The following GPC5 variants were observed in gnomAD, a reference collection of about 807,000 sequenced individuals.
GPC5 encodes glypican-5.
GPC5 carries 47 observed loss-of-function variants against 53.9 expected under a neutral mutation model. The ratio of observed to expected loss-of-function variants is 0.87; its 90% confidence interval spans 0.69 to 1.11. The LOEUF is 1.11. Ranked by LOEUF, GPC5 falls within the 50% of genes most tolerant of loss-of-function variation. GPC5 has a pLI of 0.00. For synonymous variants in GPC5, 286 were observed against 263.3 expected (o/e 1.09, Z -0.84); for missense variants, 748 against 713.1 (o/e 1.05, Z -0.56).
At chr13:92,501,014 G>A (rs1880163542) in intron 7 of GPC5, among the ~76,000 whole-genome samples, 1 of 151,616 alleles carries the variant, frequency 6.6e-6, no homozygotes, top group African/African-American at 2.4e-5. Flanking sequence ...TTTTTCATAA[G>A]ATAATAACAA....
intron 5 of GPC5, among the ~76,000 whole-genome samples, chr13:91,888,603 G>C (rs1363056992): frequency 6.6e-6 from 1 of 152,102 alleles, no homozygotes; most frequent in Non-Finnish European, 1.5e-5. Flanking sequence ...ACAATACCTA[G>C]CATGCACATA....
chr13:91,572,604 C>T (rs2031975538), intron 2 of GPC5, among the ~76,000 whole-genome samples: 1 of 151,958 alleles, frequency 6.6e-6, no homozygotes, highest in African/African-American at 2.4e-5. Context: ...GATGAACTAA[C>T]AGAGCAAGAA....
chr13:91,762,536 G>A (rs1041124699), intron 5 of GPC5, among the ~76,000 whole-genome samples: 5 of 150,512 alleles, frequency 3.3e-5, no homozygotes, highest in African/African-American at 1.2e-4. Context: ...TGTTTCTTGT[G>A]CAAAGGCAGT....
At chr13:92,728,483 A>G (rs1291406157) in intron 7 of GPC5, among the ~76,000 whole-genome samples, 5 of 151,478 alleles carry the variant, frequency 3.3e-5, no homozygotes. Context: ...AGCAAAACAT[A>G]GAGAAATTTA....
intron 7 of GPC5, among the ~76,000 whole-genome samples, chr13:92,399,626 G>C (rs536394937): frequency 3.9e-5 from 6 of 152,236 alleles, no homozygotes; most frequent in African/African-American, 1.4e-4. Flanking sequence ...CCAGGCAAAA[G>C]GAAGGGATCA....
chr13:92,133,871 G>A (rs2041763935), intron 6 of GPC5, among the ~76,000 whole-genome samples: 1 of 152,132 alleles, frequency 6.6e-6, no homozygotes, highest in South Asian at 2.1e-4. Flanking sequence ...TTTTCTGTCC[G>A]TGGAGATAAC....
intron 7 of GPC5, among the ~76,000 whole-genome samples, chr13:92,231,005 C>T (rs909293252): frequency 2.0e-5 from 3 of 152,092 alleles, no homozygotes; most frequent in South Asian, 2.1e-4. Context: ...AAGAGCAAAG[C>T]GCTTTGCAGT....
intron 6 of GPC5, among the ~76,000 whole-genome samples, chr13:92,047,256 C>T (rs1318450955): frequency 6.6e-6 from 1 of 151,904 alleles, no homozygotes; most frequent in Non-Finnish European, 1.5e-5. Flanking sequence ...AAATAGATTG[C>T]AAAAACAACA....
chr13:92,153,063 C>A (rs1417651427), intron 7 of GPC5, among the ~76,000 whole-genome samples: 3 of 152,114 alleles, frequency 2.0e-5, no homozygotes, highest in African/African-American at 7.2e-5. Context: ...CTTGTTACTC[C>A]TTTTGTTAAA....
At chr13:92,513,953 C>A (rs942030184) in intron 7 of GPC5, among the ~76,000 whole-genome samples, 4 of 152,002 alleles carry the variant, frequency 2.6e-5, no homozygotes, top group African/African-American at 9.7e-5. Flanking sequence ...GCATTTTGAA[C>A]TTCAGATCTT....
intron 6 of GPC5, among the ~76,000 whole-genome samples, chr13:92,076,403 G>A (rs146696384): frequency 6.6e-6 from 1 of 151,990 alleles, no homozygotes; most frequent in African/African-American, 2.4e-5. Context: ...TTATTTATCT[G>A]TATTTTCCTA....
In GPC5 at chr13:92,422,427, TAC is replaced by T. The variant is rs1876606635; in HGVS notation, c.1561+277440_1561+277441del. 9.2e-5 allele frequency among the ~76,000 whole-genome samples: 14 copies of T among 151,416 alleles called. No homozygotes were observed. The South Asian group carries it at 2.9e-3, about 32-fold the overall frequency. The stretch of plus-strand genomic sequence containing the variant: ...AGCCCAAAACAAGAGGTCAATTTCC[TAC>T]AGTGACCTGCACCCTCAAATTTTAT... On this transcript the variant is annotated intron_variant, in intron 7 of 7. Transcript: ENST00000377067.
At chr13:92,158,428 A>G (rs2041960967) in intron 7 of GPC5, among the ~76,000 whole-genome samples, 1 of 152,222 alleles carries the variant, frequency 6.6e-6, no homozygotes, top group Admixed American at 6.5e-5. Flanking sequence ...TGTTTAGATA[A>G]CAGTTAGCTC....
chr13:91,633,362 G>A (rs2034207790), intron 2 of GPC5, among the ~76,000 whole-genome samples: 1 of 152,114 alleles, frequency 6.6e-6, no homozygotes. Context: ...GTCTTTGGTA[G>A]TGGGTAAGTA....
At chr13:92,591,429 A>G (rs183660828) in intron 7 of GPC5, among the ~76,000 whole-genome samples, 12 of 152,314 alleles carry the variant, frequency 7.9e-5, no homozygotes, top group Admixed American at 5.9e-4. Flanking sequence ...TTGTGTTTAC[A>G]GTCTCTGCCT....
rs370286567 is a variant in GPC5 at position 92,093,775 on chromosome 13, G to T, written c.1402-51055G>T. Among the ~76,000 whole-genome samples the T allele has an allele frequency of 3.3e-5, 5 of 152,146 alleles. No individual in the cohort carries two copies. The East Asian group carries it at 7.7e-4, about 23-fold the overall frequency. Reference sequence around the variant, plus strand: ...AAGTAGACAAAGATGGGTAGAGCCTGGGCTTTGGCTATGAATGTTAGAAAA... The same window carrying T: ...AAGTAGACAAAGATGGGTAGAGCCTTGGCTTTGGCTATGAATGTTAGAAAA... On this transcript the variant is annotated intron_variant, in intron 6 of 7. Coordinates refer to ENST00000377067, the MANE Select transcript of GPC5 (RefSeq NM_004466.6).
chr13:91,969,037 C>T (rs114212514), intron 6 of GPC5, among the ~76,000 whole-genome samples: 3,596 of 151,730 alleles, frequency 0.024, 143 homozygotes, highest in African/African-American at 0.082. Flanking sequence ...GGTGTGATCT[C>T]GACTAACTGC....
chr13:92,256,149 T>C (rs966073502), intron 7 of GPC5, among the ~76,000 whole-genome samples: 2 of 151,724 alleles, frequency 1.3e-5, no homozygotes, highest in South Asian at 2.1e-4. Context: ...TATAGAGATA[T>C]AATATAGATA....
chr13:91,403,092 C>T (rs548318553), intron 1 of GPC5, among the ~76,000 whole-genome samples: 44 of 152,252 alleles, frequency 2.9e-4, no homozygotes, highest in African/African-American at 1.1e-3. Context: ...TCTGAAATTG[C>T]GACTCTATTT....
Sources: gnomAD v4.1 joint callset for allele counts (sites outside exome capture counted in the v4.1 genomes callset) on GRCh38, gnomAD v4.1.1 for gene constraint, MANE v1.5 for transcripts, NCBI Gene and HGNC (gene_info 2026-07-23, HGNC 2026-07-21) for gene names.